The following RPS6KC1 variants were observed in gnomAD, a reference collection of about 807,000 sequenced individuals.
RPS6KC1 encodes inactive ribosomal protein S6 kinase delta-1.
RPS6KC1 carries 54 observed loss-of-function variants against 103.8 expected under a neutral mutation model. That is an observed-to-expected ratio of 0.52 (90% confidence interval 0.42 to 0.65). The LOEUF (loss-of-function observed/expected upper bound fraction) is 0.65, where lower values mean the gene tolerates loss of function less well. Ranked by LOEUF, RPS6KC1 falls within the 30% of genes least tolerant of loss-of-function variation. The pLI is 0.00. For synonymous variants in RPS6KC1, 439 were observed against 438.7 expected, an observed-to-expected ratio of 1.00 and a Z score of -0.01; for missense variants, 1,151 against 1,253.8, an observed-to-expected ratio of 0.92 and a Z score of 1.24.
intron 3 of RPS6KC1, among the ~76,000 whole-genome samples, chr1:213,081,659 T>A (rs150520223): frequency 6.6e-5 from 10 of 152,092 alleles, no homozygotes; most frequent in Non-Finnish European, 1.3e-4. Flanking sequence ...AAGGTTTTTT[T>A]TTTTTTTTTC....
chr1:213,798,418 G>C, the RPS6KC1 span, among the ~76,000 whole-genome samples: 2 of 152,192 alleles, frequency 1.3e-5, no homozygotes, highest in Admixed American at 1.3e-4. Context: ...GTCACCCAGG[G>C]CTAGGATAAC....
the RPS6KC1 span, among the ~76,000 whole-genome samples, chr1:213,764,169 C>T: frequency 3.3e-5 from 5 of 152,288 alleles, no homozygotes; most frequent in Non-Finnish European, 7.4e-5. Flanking sequence ...TGCACTTGTT[C>T]AGGTCTTGCT....
chr1:213,496,311 G>A, the RPS6KC1 span, among the ~76,000 whole-genome samples: 1 of 152,138 alleles, frequency 6.6e-6, no homozygotes, highest in Non-Finnish European at 1.5e-5. Flanking sequence ...AACAAAATGT[G>A]CTTTGCAAGA....
At chr1:213,174,053 T>C (rs2148265415) in intron 7 of RPS6KC1, among the ~76,000 whole-genome samples, 1 of 152,384 alleles carries the variant, frequency 6.6e-6, no homozygotes. Context: ...GTATTCTTTT[T>C]TCCCTCCTTA....
intron 6 of RPS6KC1, among the ~76,000 whole-genome samples, chr1:213,150,879 A>G (rs2088658408): frequency 6.6e-6 from 1 of 151,740 alleles, no homozygotes; most frequent in Non-Finnish European, 1.5e-5. Context: ...CTCACTTCCC[A>G]GTAGGGGTGG....
At chr1:213,721,052 G>A in the RPS6KC1 span, among the ~76,000 whole-genome samples, 3 of 152,230 alleles carry the variant, frequency 2.0e-5, no homozygotes, top group Non-Finnish European at 4.4e-5. Context: ...ATCCATGGTA[G>A]TGGGGCAAAG....
At chr1:213,456,212 G>A in the RPS6KC1 span, among the ~76,000 whole-genome samples, 2 of 152,164 alleles carry the variant, frequency 1.3e-5, no homozygotes, top group Non-Finnish European at 2.9e-5. Context: ...TTGGGCTGCT[G>A]CCTTAGTCTC....
the RPS6KC1 span, among the ~76,000 whole-genome samples, chr1:213,518,992 T>G: frequency 6.6e-6 from 1 of 152,150 alleles, no homozygotes; most frequent in East Asian, 1.9e-4. Flanking sequence ...GTAAGAAAAT[T>G]TAATTACTGG....
chr1:213,060,304 A>G (rs945849560), intron 1 of RPS6KC1, among the ~76,000 whole-genome samples: 1 of 152,228 alleles, frequency 6.6e-6, no homozygotes, highest in Non-Finnish European at 1.5e-5. Flanking sequence ...GTTAGATTTC[A>G]GTTGTTAAAT....
the RPS6KC1 span, among the ~76,000 whole-genome samples, chr1:213,846,320 A>G: frequency 6.6e-6 from 1 of 151,896 alleles, no homozygotes; most frequent in Admixed American, 6.6e-5. Context: ...AAAGAAAAAG[A>G]AAAAAGGGTA....
the RPS6KC1 span, among the ~76,000 whole-genome samples, chr1:213,544,761 GC>G: frequency 6.6e-6 from 1 of 152,156 alleles, no homozygotes; most frequent in Non-Finnish European, 1.5e-5. Context: ...AGCTTATGTG[GC>G]CCCCTTTACT....
chr1:213,612,949 T>A, the RPS6KC1 span, among the ~76,000 whole-genome samples: 274 of 152,308 alleles, frequency 1.8e-3, 1 homozygote, highest in African/African-American at 6.2e-3. Flanking sequence ...AAGCCCAGTG[T>A]GATGAGAATT....
chr1:213,184,638 A>C (rs1334261534), intron 8 of RPS6KC1, among the ~76,000 whole-genome samples: 2 of 152,122 alleles, frequency 1.3e-5, no homozygotes, highest in Non-Finnish European at 2.9e-5. Context: ...ATTGCTATAA[A>C]CTTTTCTCTT....
the RPS6KC1 span, among the ~76,000 whole-genome samples, chr1:213,602,012 T>TTTCTTTCTTTCTTTCTTTCTTTC: frequency 5.2e-5 from 2 of 38,772 alleles, 1 homozygote; most frequent in Non-Finnish European, 9.4e-5. Flanking sequence ...TTTTCTTTTC[T>TTTCTTTCTTTCTTTCTTTCTTTC]TTTCTTTCTT....
chr1:213,439,709 C>G, the RPS6KC1 span, among the ~76,000 whole-genome samples: 1 of 152,100 alleles, frequency 6.6e-6, no homozygotes, highest in Admixed American at 6.5e-5. Flanking sequence ...ATTATGAACC[C>G]TTCTTAAAAT....
chr1:213,224,720 A>G (rs573676981), intron 8 of RPS6KC1, among the ~76,000 whole-genome samples: 2 of 152,308 alleles, frequency 1.3e-5, no homozygotes, highest in South Asian at 2.1e-4. Context: ...CTACACATGA[A>G]CAAATTCTGT....
intron 8 of RPS6KC1, among the ~76,000 whole-genome samples, chr1:213,196,900 G>A (rs1052878604): frequency 1.8e-4 from 28 of 152,080 alleles, no homozygotes; most frequent in African/African-American, 6.8e-4. Flanking sequence ...GCAATGGCGC[G>A]ATCTCGGCTC....
At chr1:213,417,841 A>G in the RPS6KC1 span, among the ~76,000 whole-genome samples, 2 of 152,138 alleles carry the variant, frequency 1.3e-5, no homozygotes, top group Non-Finnish European at 2.9e-5. Flanking sequence ...TGTTTTATTA[A>G]CATACTTTAC....
At chr1:213,397,073 A>G in the RPS6KC1 span, among the ~76,000 whole-genome samples, 1 of 152,184 alleles carries the variant, frequency 6.6e-6, no homozygotes, top group Non-Finnish European at 1.5e-5. Flanking sequence ...TTTGGGAAAG[A>G]TCTACTAAAA....
Sources: allele counts gnomAD v4.1 joint callset (sites outside exome capture counted in the v4.1 genomes callset), GRCh38; gene constraint gnomAD v4.1.1; transcripts MANE v1.5; gene names NCBI Gene and HGNC (gene_info 2026-07-23, HGNC 2026-07-21).